Variants in RAB33B observed in about 807,000 individuals in gnomAD.
The protein encoded by RAB33B is ras-related protein Rab-33B.
In RAB33B, 6 loss-of-function variants were observed where a neutral mutation model predicts 15.0. The observed-to-expected ratio is 0.40, with a 90% CI of 0.22 to 0.79. The LOEUF (loss-of-function observed/expected upper bound fraction) is 0.79, where lower values mean the gene tolerates loss of function less well. Ranked by LOEUF, RAB33B falls within the 30% of genes least tolerant of loss-of-function variation. The pLI is 0.37. For missense variants in RAB33B, 257 were observed against 296.4 expected (o/e 0.87, Z 0.98); for synonymous variants, 117 against 108.3 (o/e 1.08, Z -0.50).
the RAB33B span, among the ~76,000 whole-genome samples, chr4:139,442,154 A>G: frequency 6.6e-6 from 1 of 152,176 alleles, no homozygotes. Context: ...TGCTGTTAAC[A>G]GAGTGTGTAA....
intron 1 of RAB33B, among the ~76,000 whole-genome samples, chr4:139,470,495 A>G (rs114354372): frequency 1.4e-3 from 215 of 152,326 alleles, no homozygotes; most frequent in African/African-American, 5.0e-3. Flanking sequence ...GCTGTCCAAG[A>G]GTCAAGTCCT....
chr4:139,472,090 G>A (rs184141999), intron 1 of RAB33B, among the ~76,000 whole-genome samples: 256 of 152,292 alleles, frequency 1.7e-3, no homozygotes, highest in African/African-American at 5.1e-3. Flanking sequence ...GTTTCACACA[G>A]TCTTGATTAC....
the RAB33B span, among the ~76,000 whole-genome samples, chr4:139,444,373 C>G: frequency 6.6e-6 from 1 of 152,132 alleles, no homozygotes; most frequent in Admixed American, 6.6e-5. Flanking sequence ...GGATTAGCCA[C>G]TTTAGACCTA....
the RAB33B span, among the ~76,000 whole-genome samples, chr4:139,439,103 C>G: frequency 6.6e-6 from 1 of 152,172 alleles, no homozygotes; most frequent in Non-Finnish European, 1.5e-5. Flanking sequence ...AGCTCCGCCT[C>G]CTGGATTCAT....
At chr4:139,447,828 G>A in the RAB33B span, among the ~76,000 whole-genome samples, 1 of 151,668 alleles carries the variant, frequency 6.6e-6, no homozygotes, top group East Asian at 1.9e-4. Flanking sequence ...CACTACGCCC[G>A]GCTAATTTTT....
the RAB33B span, among the ~76,000 whole-genome samples, chr4:139,444,035 C>G: frequency 6.6e-6 from 1 of 152,010 alleles, no homozygotes; most frequent in Admixed American, 6.6e-5. Flanking sequence ...GCACTATACT[C>G]GAAAATAACT....
At position 139,473,475 on chromosome 4, in the gene RAB33B, C is replaced by G. The variant is rs982469650; in HGVS notation, c.*349C>G. The G allele has an allele frequency of 2.7e-5, 6 of 218,796 alleles. No individual in the cohort carries two copies. The highest frequency in any genetic ancestry group is 1.4e-4 in the African/African-American group (6 of 43,588). The allele number at this position is 218,796 out of a possible 1,614,324, so 13.6% of individuals were successfully genotyped here. On this transcript the variant is annotated 3_prime_UTR_variant, in exon 2 of 2. Transcript: ENST00000305626. ...AAAATGTTAAAGGTTTAGGACACACCTAATAGTATGTCCTTTGAATGGGAA... is the reference window on the plus strand; with the variant it reads ...AAAATGTTAAAGGTTTAGGACACACGTAATAGTATGTCCTTTGAATGGGAA...
At chr4:139,453,688 T>A (rs1407649560), upstream of RAB33B, 3 of 152,452 alleles carry the variant, frequency 2.0e-5, no homozygotes, top group Non-Finnish European at 2.9e-5. Flanking sequence ...TCCTTACCGT[T>A]GCTCTCCAGG....
intron 1 of RAB33B, among the ~76,000 whole-genome samples, chr4:139,466,860 G>A (rs1264569859): frequency 2.6e-5 from 4 of 151,562 alleles, no homozygotes; most frequent in Admixed American, 6.6e-5. Context: ...GATTACAGGC[G>A]TGAGCCACCA....
In RAB33B at chr4:139,474,777, C is replaced by T. The variant is rs569195989; in HGVS notation, c.*1651C>T. On this transcript the variant is annotated 3_prime_UTR_variant, in exon 2 of 2. Coordinates refer to ENST00000305626, the MANE Select transcript of RAB33B (RefSeq NM_031296.3). ...GCAAGCTTACATATTAAACTATTTA[C>T]GTAAATGGAATGTAAGCCATGACTT... The T allele has an allele frequency of 6.6e-6, 1 of 152,654 alleles. No individual in the cohort carries two copies. The highest frequency in any genetic ancestry group is 2.4e-5 in the African/African-American group (1 of 41,544). The allele number at this position is 152,654 out of a possible 1,614,324, so 9.5% of individuals were successfully genotyped here. A position where few individuals can be genotyped will look rare whatever the true frequency, so the allele number is the denominator to read the frequency against.
rs374709757 is a variant in RAB33B at position 139,465,897 on chromosome 4, CT to C, written c.250-6777del. On this transcript the variant is annotated intron_variant, in intron 1 of 1. Transcript: ENST00000305626. ...GGTGCATGCCACCACTCCCAGCTCA[CT>C]TTTTTTTTTTTAAGAGACGAGGTCT... Among the ~76,000 whole-genome samples, 330 of 143,564 alleles carry C rather than the reference CT, an allele frequency of 2.3e-3. 2 individuals carry two copies. Among genetic ancestry groups the C allele is most frequent in the African/African-American group, 3.1e-3 (121 of 39,462 alleles). 94.2% of individuals were successfully genotyped at this position (143,564 alleles called of 152,430 possible). A position where few individuals can be genotyped will look rare whatever the true frequency, so the allele number is the denominator to read the frequency against.
intron 1 of RAB33B, among the ~76,000 whole-genome samples, chr4:139,467,420 A>G (rs1203616035): frequency 6.0e-5 from 2 of 33,080 alleles, no homozygotes; most frequent in East Asian, 9.0e-4. Context: ...GATTTTTTTT[A>G]GTTTTTAAAA....
At position 139,476,442 on chromosome 4, in the gene RAB33B, T is replaced by C. The variant is rs1393849640; in HGVS notation, c.*3316T>C. On this transcript the variant is annotated 3_prime_UTR_variant, in exon 2 of 2. Coordinates refer to ENST00000305626, the MANE Select transcript of RAB33B (RefSeq NM_031296.3). ...AAAATTGACATTATTCATGAAGGAC[T>C]GCTTTCTTAATCAGATATTAAGAAG... 1 of 152,210 alleles carries C rather than the reference T, an allele frequency of 6.6e-6. No homozygotes were observed. The highest frequency in any genetic ancestry group is 6.5e-5 in the Admixed American group (1 of 15,276). 9.4% of individuals were successfully genotyped at this position (152,210 alleles called of 1,614,324 possible). A position where few individuals can be genotyped will look rare whatever the true frequency, so the allele number is the denominator to read the frequency against.
chr4:139,452,476 C>T (rs1278669938), upstream of RAB33B: 1 of 152,118 alleles, frequency 6.6e-6, no homozygotes, highest in Non-Finnish European at 1.5e-5. Context: ...TGCTCTTTGT[C>T]CTTAAATCTT....
chr4:139,470,133 A>AG (rs1276829638), intron 1 of RAB33B, among the ~76,000 whole-genome samples: 1 of 152,230 alleles, frequency 6.6e-6, no homozygotes, highest in African/African-American at 2.4e-5. Flanking sequence ...CCTTCTCTTC[A>AG]GGGTGGCAAG....
the RAB33B span, among the ~76,000 whole-genome samples, chr4:139,441,076 C>CT: frequency 6.6e-6 from 1 of 152,176 alleles, no homozygotes; most frequent in African/African-American, 2.4e-5. Context: ...GTCGGCTATT[C>CT]TAAGACAGAT....
chr4:139,466,152 A>G (rs979595954), intron 1 of RAB33B, among the ~76,000 whole-genome samples: 1 of 152,172 alleles, frequency 6.6e-6, no homozygotes, highest in Admixed American at 6.5e-5. Flanking sequence ...GCCTGGGGTT[A>G]ACATTTATCA....
chr4:139,451,510 G>A (rs1467946491), upstream of RAB33B: 3 of 151,884 alleles, frequency 2.0e-5, no homozygotes, highest in East Asian at 1.9e-4. Context: ...GAGTATCCGG[G>A]ATTACAGGCA....
upstream of RAB33B, chr4:139,454,115 G>C (rs1750011256): frequency 9.4e-6 from 14 of 1,484,556 alleles, no homozygotes; most frequent in African/African-American, 1.4e-5. Flanking sequence ...GGCCGGCTGG[G>C]CGCGCGCTCT....
Sources: gnomAD v4.1 joint callset for allele counts (sites outside exome capture counted in the v4.1 genomes callset) on GRCh38, gnomAD v4.1.1 for gene constraint, MANE v1.5 for transcripts, NCBI Gene and HGNC (gene_info 2026-07-23, HGNC 2026-07-21) for gene names.